ATRIP: variants seen among roughly 807,000 people sequenced by gnomAD.
The protein encoded by ATRIP is ATR interacting protein, also known as ATR-interacting protein.
Under a neutral mutation model 78.1 loss-of-function variants are expected in ATRIP, and 44 were observed. The ratio of observed to expected loss-of-function variants is 0.56; its 90% CI spans 0.44 to 0.72. The LOEUF is 0.72. ATRIP is among the 30% of genes least tolerant of loss of function. The pLI, the probability that ATRIP is intolerant of heterozygous loss-of-function variation, is 0.00. For missense variants in ATRIP, 927 were observed against 980.2 expected (o/e 0.95, Z 0.72); for synonymous variants, 388 against 408.9 (o/e 0.95, Z 0.62).
At chr3:48,464,449 C>T in intron 10 of ATRIP, 133 bp from the exon 11 acceptor site, 1 of 1,059,688 alleles carries the variant, frequency 9.4e-7, no homozygotes, top group Non-Finnish European at 1.4e-6. Flanking sequence ...GAAGGTCCCA[C>T]ACCACTTCTT....
intron 2 of ATRIP, 91 bp from the exon 3 acceptor site, chr3:48,451,638 C>G (rs2039838493): frequency 9.0e-7 from 1 of 1,115,650 alleles, no homozygotes; most frequent in South Asian, 1.6e-5. Flanking sequence ...TTTTCCTGTG[C>G]TTTCTCCATC....
Position 48,464,099 on chromosome 3 carries a change from CT to C in ATRIP, c.1943del (p.Leu648TrpfsTer45). 6.2e-7 allele frequency: 1 copy of C among 1,613,890 alleles called. No individual in the cohort carries two copies. Among genetic ancestry groups the C allele is most frequent in the Non-Finnish European group, 8.5e-7 (1 of 1,180,016 alleles). ...TCACATCACGGCCTGACAGAGTGGCCTTGGAGACACAATGGCTCCAGCTGGA... is the reference window on the plus strand; with the variant it reads ...TCACATCACGGCCTGACAGAGTGGCCTGGAGACACAATGGCTCCAGCTGGA... ...YITSRPDRVA[L>X]ETQWLQLEQE... On this transcript the variant is annotated frameshift_variant, in exon 10 of 13. Coordinates refer to ENST00000320211, the MANE Select transcript of ATRIP (RefSeq NM_130384.3). LOFTEE classifies it high-confidence loss of function.
At chr3:48,458,064 AAGCATTTGT>A (rs1449707811) in intron 5 of ATRIP, among the ~76,000 whole-genome samples, 1 of 149,756 alleles carries the variant, frequency 6.7e-6, no homozygotes, top group African/African-American at 2.5e-5. Flanking sequence ...AGTTGTGTCA[AAGCATTTGT>A]GGGCCTTTTT....
Position 48,466,577 on chromosome 3 carries a change from C to T in ATRIP, c.*1023C>T. 6.2e-7 allele frequency: 1 copy of T among 1,614,006 alleles called. No individual in the cohort carries two copies. The highest frequency in any genetic ancestry group is 8.5e-7 in the Non-Finnish European group (1 of 1,179,980). On this transcript the variant is annotated 3_prime_UTR_variant, in exon 13 of 13. Coordinates refer to ENST00000320211, the MANE Select transcript of ATRIP (RefSeq NM_130384.3). Reference sequence around the variant, plus strand: ...GCCCACCCCCTACCCCACTCCCTCCCCTTCGGATCTTAACACTGGGCACTC... The same window carrying T: ...GCCCACCCCCTACCCCACTCCCTCCTCTTCGGATCTTAACACTGGGCACTC...
chr3:48,459,397 CAAG>C lies in ATRIP; in HGVS notation c.873_875del (p.Glu292del), dbSNP rs776151605. ...CAGTCTGAGAGGTGACTCCATAAAA[CAAG>C]AAGAGGCCCAGAAAAGCTTTGTTGA... On this transcript the variant is annotated inframe_deletion, in exon 6 of 13. Transcript: ENST00000320211. 5 of 1,614,100 alleles carry C rather than the reference CAAG, an allele frequency of 3.1e-6. No individual in the cohort carries two copies. The highest frequency in any genetic ancestry group is 4.2e-6 in the Non-Finnish European group (5 of 1,180,020).
At chr3:48,448,011 T>C (rs2039726257) in intron 1 of ATRIP, among the ~76,000 whole-genome samples, 1 of 152,230 alleles carries the variant, frequency 6.6e-6, no homozygotes, top group Non-Finnish European at 1.5e-5. Flanking sequence ...TGATCTGTGT[T>C]ACCATGAGTC....
chr3:48,462,243 G>A (rs910643348), intron 8 of ATRIP, among the ~76,000 whole-genome samples: 13 of 151,912 alleles, frequency 8.6e-5, no homozygotes, highest in Admixed American at 7.2e-4. Context: ...CTAGGTGACA[G>A]AGTGAGACCC....
In ATRIP at chr3:48,463,801, C is replaced by G; in HGVS notation, c.1802C>G (p.Pro601Arg). The G allele has an allele frequency of 6.2e-7, 1 of 1,614,170 alleles. No homozygotes were observed. The highest frequency in any genetic ancestry group is 8.5e-7 in the Non-Finnish European group (1 of 1,180,020). Residue 601 changes from proline (P) to arginine (R), a missense_variant, in exon 9 of 13, where the codon CCT (proline) becomes CGT (arginine). Coordinates refer to ENST00000320211, the MANE Select transcript of ATRIP (RefSeq NM_130384.3). The stretch of plus-strand genomic sequence containing the variant: ...TGCCTCAGCCCAGAGACACCCCTGC[C>G]TAGCGTGCTGCTGGCTGTTGAGCTC... ...PKCLSPETPL[P>R]SVLLAVELLS...
chr3:48,460,106 C>T lies in ATRIP; in HGVS notation c.1056-4C>T, dbSNP rs567664071. The T allele has an allele frequency of 6.2e-7, 1 of 1,606,094 alleles. No homozygotes were observed. The highest frequency in any genetic ancestry group is 1.3e-5 in the African/African-American group (1 of 74,756). ...AATCTATTTTTCTTTGTGTTTGTTGCCAGTACCTTGGCTGGAATGTCAGGC... is the reference window on the plus strand; with the variant it reads ...AATCTATTTTTCTTTGTGTTTGTTGTCAGTACCTTGGCTGGAATGTCAGGC... On this transcript the variant is annotated splice_region_variant and splice_polypyrimidine_tract_variant and intron_variant, in intron 7 of 12. Coordinates refer to ENST00000320211, the MANE Select transcript of ATRIP (RefSeq NM_130384.3).
chr3:48,464,363 C>T (rs975211031), intron 10 of ATRIP, among the ~76,000 whole-genome samples: 3 of 152,084 alleles, frequency 2.0e-5, no homozygotes, highest in African/African-American at 4.8e-5. Context: ...GGCTTTGGGA[C>T]GTGGGGGCAG....
Position 48,466,171 on chromosome 3 carries a change from C to G in ATRIP, c.*617C>G. Reference sequence around the variant, plus strand: ...TGGTGAGAGGGACAGACCAGGCAGGCTGACGAGCAGGGCGGGCCTGGCTCA... The same window carrying G: ...TGGTGAGAGGGACAGACCAGGCAGGGTGACGAGCAGGGCGGGCCTGGCTCA... On this transcript the variant is annotated 3_prime_UTR_variant, in exon 13 of 13. Transcript: ENST00000320211. The G allele has an allele frequency of 2.0e-6, 1 of 500,744 alleles. No homozygotes were observed. The highest frequency in any genetic ancestry group is 3.7e-6 in the Non-Finnish European group (1 of 272,142). 31.0% of individuals were successfully genotyped at this position (500,744 alleles called of 1,614,324 possible).
At chr3:48,458,543 A>G (rs1189047436) in intron 5 of ATRIP, among the ~76,000 whole-genome samples, 4 of 151,978 alleles carry the variant, frequency 2.6e-5, no homozygotes, top group Non-Finnish European at 5.9e-5. Flanking sequence ...GATGGTCTCA[A>G]TCTCATGACC....
At chr3:48,465,432 C>T (rs898272237) in intron 12 of ATRIP, 55 bp from the exon 13 acceptor site, 1 of 1,552,990 alleles carries the variant, frequency 6.4e-7, no homozygotes, top group Non-Finnish European at 8.9e-7. Context: ...GTGGGACCTG[C>T]CCTAGGCCCT....
At chr3:48,457,224 A>G (rs1395968583) in intron 4 of ATRIP, 35 bp from the exon 5 acceptor site, 7 of 1,507,074 alleles carry the variant, frequency 4.6e-6, no homozygotes, top group Non-Finnish European at 6.2e-6. Context: ...TTTTAGTAGA[A>G]TCATTACTTT....
Position 48,454,281 on chromosome 3 carries a change from T to C in ATRIP, c.553-19T>C. ...GTATATGATGGGACCACTACAAGCATGTTTCTTTTGCCTTCCAGCTCCAAT... is the reference window on the plus strand; with the variant it reads ...GTATATGATGGGACCACTACAAGCACGTTTCTTTTGCCTTCCAGCTCCAAT... On this transcript the variant is annotated intron_variant, in intron 3 of 12. Coordinates refer to ENST00000320211, the MANE Select transcript of ATRIP (RefSeq NM_130384.3). The C allele has an allele frequency of 1.4e-6, 2 of 1,476,106 alleles. No individual in the cohort carries two copies. Among genetic ancestry groups the C allele is most frequent in the Non-Finnish European group, 1.9e-6 (2 of 1,055,390 alleles). The allele number at this position is 1,476,106 out of a possible 1,614,324, so 91.4% of individuals were successfully genotyped here.
chr3:48,460,823 G>A (rs1427580841), intron 8 of ATRIP, 24 bp downstream of exon 8: 1 of 1,564,780 alleles, frequency 6.4e-7, no homozygotes, highest in African/African-American at 1.4e-5. Flanking sequence ...TAGGAGTCAT[G>A]ATTCTTTGTG....
intron 12 of ATRIP, among the ~76,000 whole-genome samples, 169 bp from the exon 13 acceptor site, chr3:48,465,318 C>T (rs924705321): frequency 1.3e-5 from 2 of 152,252 alleles, no homozygotes; most frequent in South Asian, 2.1e-4. Context: ...CAGAAATAGC[C>T]GTGTCTGAAT....
In ATRIP at chr3:48,459,460, A is replaced by G. The variant is rs2040039736; in HGVS notation, c.925+6A>G. 6.2e-7 allele frequency: 1 copy of G among 1,612,252 alleles called. No homozygotes were observed. The highest frequency in any genetic ancestry group is 1.3e-5 in the African/African-American group (1 of 75,028). On this transcript the variant is annotated splice_donor_region_variant and intron_variant, in intron 6 of 12. Coordinates refer to ENST00000320211, the MANE Select transcript of ATRIP (RefSeq NM_130384.3). The stretch of plus-strand genomic sequence containing the variant: ...ACAGAGATCAAACACTCAAGGTACC[A>G]GAATCCCTGCTTCTCCTGCAGGGGC...
At chr3:48,463,201 G>C (rs1016045860) in intron 8 of ATRIP, among the ~76,000 whole-genome samples, 2 of 152,130 alleles carry the variant, frequency 1.3e-5, no homozygotes, top group African/African-American at 2.4e-5. Flanking sequence ...TGAGACCTGG[G>C]GCAGTATGCC....
Sources: allele counts gnomAD v4.1 joint callset (sites outside exome capture counted in the v4.1 genomes callset), GRCh38; gene constraint gnomAD v4.1.1; transcripts MANE v1.5; gene names NCBI Gene and HGNC (gene_info 2026-07-23, HGNC 2026-07-21).